Variants in CARD14 observed in about 807,000 individuals in gnomAD.
The protein encoded by CARD14 is caspase recruitment domain-containing protein 14.
In CARD14, 107 loss-of-function variants were observed where a neutral mutation model predicts 111.5. That is an observed-to-expected ratio of 0.96 (90% CI 0.82 to 1.13). CARD14 has a LOEUF of 1.13. Ranked by LOEUF, CARD14 falls within the 50% of genes most tolerant of loss-of-function variation. The pLI, the probability that CARD14 is intolerant of heterozygous loss-of-function variation, is 0.00. For synonymous variants in CARD14, 617 were observed against 579.6 expected (o/e 1.06, Z -0.93); for missense variants, 1,322 against 1,362.3 (o/e 0.97, Z 0.47).
chr17:80,190,850 T>C lies in CARD14; in HGVS notation c.1040T>C (p.Val347Ala). 1 of 1,613,930 alleles carries C rather than the reference T, an allele frequency of 6.2e-7. No homozygotes were observed. The highest frequency in any genetic ancestry group is 8.5e-7 in the Non-Finnish European group (1 of 1,179,990). ...GCCTGCCAACTCTACAGGGAGAAGG[T>C]GAATGCGCTGCAGGCCCAGGTGTGC... ...KMACQLYREK[V>A]NALQAQVCEL... The change falls in exon 10 of 24, where the codon GTG becomes GCG. Residue 347 changes from valine to alanine, a missense_variant. By Grantham distance (64) the Val-to-Ala change is moderately conservative (BLOSUM62 0). Coordinates refer to ENST00000648509, the MANE Select transcript of CARD14 (RefSeq NM_001366385.1).
chr17:80,172,267 C>T (rs2039918685), intron 1 of CARD14, among the ~76,000 whole-genome samples: 1 of 152,232 alleles, frequency 6.6e-6, no homozygotes, highest in South Asian at 2.1e-4. Context: ...TGCCTTGGAA[C>T]CTCTAGGCTC....
At chr17:80,191,602 C>T (rs760670766) in intron 11 of CARD14, 130 bp downstream of exon 11, 48 of 1,141,154 alleles carry the variant, frequency 4.2e-5, no homozygotes, top group South Asian at 2.5e-4. Context: ...GGGCCACACG[C>T]GGCACCTGCA....
chr17:80,205,226 C>T (rs764893410), intron 21 of CARD14, 21 bp downstream of exon 21: 82 of 1,582,622 alleles, frequency 5.2e-5, no homozygotes, highest in Non-Finnish European at 6.7e-5. Flanking sequence ...GCCTGGGAAT[C>T]CCTCTACCCC....
chr17:80,202,145 G>A (rs749404518), intron 17 of CARD14, 35 bp from the exon 18 acceptor site: 2 of 1,565,256 alleles, frequency 1.3e-6, no homozygotes, highest in African/African-American at 1.4e-5. Context: ...GCTCGTATCT[G>A]TGGCTCATCT....
intron 14 of CARD14, chr17:80,196,033 T>G (rs929648041): frequency 2.2e-5 from 4 of 185,374 alleles, no homozygotes; most frequent in African/African-American, 9.4e-5. Context: ...AGGCACAGCG[T>G]GACATCTACC....
intron 23 of CARD14, among the ~76,000 whole-genome samples, 198 bp downstream of exon 23, chr17:80,207,283 G>A (rs1364369334): frequency 6.6e-6 from 1 of 152,250 alleles, no homozygotes; most frequent in African/African-American, 2.4e-5. Flanking sequence ...GGGCGTGGTG[G>A]CTCACGCCTG....
At position 80,198,020 on chromosome 17, in the gene CARD14, G is replaced by A; in HGVS notation, c.1595-79G>A. ...GGTGACCAAGATCTGTGAAGAAGGG[G>A]CTGAGGTTACAGGAGGTTACAGGAC... On this transcript the variant is annotated intron_variant, in intron 14 of 23. Transcript: ENST00000648509. This position sits in a 1 kb window ranked among gnomAD's most constrained non-coding sequence, Gnocchi z 7.5. 7.1e-7 allele frequency: 1 copy of A among 1,415,606 alleles called. No individual in the cohort carries two copies. Among genetic ancestry groups the A allele is most frequent in the Middle Eastern group, 2.2e-4 (1 of 4,544 alleles). The allele number at this position is 1,415,606 out of a possible 1,614,324, so 87.7% of individuals were successfully genotyped here. A position where few individuals can be genotyped will look rare whatever the true frequency, so the allele number is the denominator to read the frequency against.
Position 80,198,409 on chromosome 17 carries a change from A to G in CARD14, c.1669A>G (p.Met557Val), listed in dbSNP as rs753689043. The change falls in exon 16 of 24, where the codon ATG (methionine) becomes GTG (valine). Residue 557 changes from methionine to valine, a missense_variant. Coordinates refer to ENST00000648509, the MANE Select transcript of CARD14 (RefSeq NM_001366385.1). The surrounding 1 kb of genome is among the most constrained non-coding windows in gnomAD (Gnocchi z 7.5). ...TCTCCCGGCCTGCAGCGGCGTCCTC[A>G]TGCGGCGGAGGCCAGCCCGCAGGAT... is the stretch of plus-strand genomic sequence containing the variant. ...RLDVSESGVLMRRRPARRILS... is the reference protein window; with the variant it reads ...RLDVSESGVLVRRRPARRILS... The G allele has an allele frequency of 2.5e-6, 4 of 1,602,432 alleles. No individual in the cohort carries two copies. Among genetic ancestry groups the G allele is most frequent in the Non-Finnish European group, 3.4e-6 (4 of 1,172,310 alleles).
At chr17:80,196,509 A>G (rs1180229508) in intron 14 of CARD14, 1 of 152,336 alleles carries the variant, frequency 6.6e-6, no homozygotes, top group Non-Finnish European at 1.5e-5. Context: ...ATTGACCTCA[A>G]ATACATCCAG....
intron 11 of CARD14, 84 bp downstream of exon 11, chr17:80,191,556 A>G (rs995930914): frequency 6.5e-6 from 10 of 1,534,588 alleles, no homozygotes; most frequent in Non-Finnish European, 8.0e-6. Flanking sequence ...AGGGTGGCCC[A>G]TGGAGGCACT....
At chr17:80,176,480 C>G (rs1291011908) in intron 2 of CARD14, among the ~76,000 whole-genome samples, 1 of 149,544 alleles carries the variant, frequency 6.7e-6, no homozygotes, top group Non-Finnish European at 1.5e-5. Context: ...ATAACCCATA[C>G]GGCACACAAT....
At position 80,188,311 on chromosome 17, in the gene CARD14, C is replaced by G; in HGVS notation, c.676-66C>G. On this transcript the variant is annotated intron_variant, in intron 7 of 23. Coordinates refer to ENST00000648509, the MANE Select transcript of CARD14 (RefSeq NM_001366385.1). The surrounding 1 kb of genome is among the most constrained non-coding windows in gnomAD (Gnocchi z 4.5). Reference sequence around the variant, plus strand: ...TCATTAGGAGGAAGGGTGAGAAATGCCCCCAGCTCCTGATCAGGGGAGAAG... The same window carrying G: ...TCATTAGGAGGAAGGGTGAGAAATGGCCCCAGCTCCTGATCAGGGGAGAAG... 1 of 1,475,048 alleles carries G rather than the reference C, an allele frequency of 6.8e-7. No individual in the cohort carries two copies. 91.4% of individuals were successfully genotyped at this position (1,475,048 alleles called of 1,614,324 possible).
In CARD14 at chr17:80,204,238, G is replaced by T. The variant is rs1350201307; in HGVS notation, c.2295G>T (p.Gly765=). 6.3e-7 allele frequency: 1 copy of T among 1,589,620 alleles called. No homozygotes were observed. Among genetic ancestry groups the T allele is most frequent in the Non-Finnish European group, 8.6e-7 (1 of 1,161,408 alleles). ...TGTCCCTCCTTTAGCCATCTTCTGGGGGACCACAGAAGCTGGTCCGCATCG... is the reference window on the plus strand; with the variant it reads ...TGTCCCTCCTTTAGCCATCTTCTGGTGGACCACAGAAGCTGGTCCGCATCG... The part of the protein sequence containing the change: ...QCTVTRKPSS[G]GPQKLVRIVS... The change falls in exon 20 of 24, where the codon GGG becomes GGT. Residue 765 remains glycine, a synonymous_variant. Coordinates refer to ENST00000648509, the MANE Select transcript of CARD14 (RefSeq NM_001366385.1).
chr17:80,203,729 G>A lies in CARD14; in HGVS notation c.2220-93G>A, dbSNP rs958635841. 8.8e-6 allele frequency: 8 copies of A among 906,612 alleles called. No homozygotes were observed. Among genetic ancestry groups the A allele is most frequent in the South Asian group, 4.6e-5 (3 of 65,634 alleles). The allele number at this position is 906,612 out of a possible 1,614,324, so 56.2% of individuals were successfully genotyped here. A position where few individuals can be genotyped will look rare whatever the true frequency, so the allele number is the denominator to read the frequency against. ...AGGTGGAGGCCCTTCTCTCCCACCC[G>A]GCCATCTCCCCCACTCTCCCCTGCT... On this transcript the variant is annotated intron_variant, in intron 18 of 23. Transcript: ENST00000648509. This position sits in a 1 kb window ranked among gnomAD's most constrained non-coding sequence, Gnocchi z 4.6.
At chr17:80,194,152 C>G (rs1473801580) in intron 12 of CARD14, among the ~76,000 whole-genome samples, 2 of 152,094 alleles carry the variant, frequency 1.3e-5, no homozygotes, top group Non-Finnish European at 2.9e-5. Context: ...CTGCCCCCAA[C>G]ACACACACAC....
At chr17:80,176,019 G>A (rs2040018800) in intron 2 of CARD14, among the ~76,000 whole-genome samples, 1 of 122,982 alleles carries the variant, frequency 8.1e-6, no homozygotes, top group Non-Finnish European at 1.6e-5. Context: ...TATGTTGCTA[G>A]GCTAGTCTTG....
chr17:80,179,669 C>A (rs1038713830), intron 4 of CARD14, among the ~76,000 whole-genome samples: 3 of 152,102 alleles, frequency 2.0e-5, no homozygotes, highest in Admixed American at 6.6e-5. Context: ...TCCATCTCTA[C>A]AAAAATTAAA....
intron 9 of CARD14, 142 bp from the exon 10 acceptor site, chr17:80,190,628 AAGAG>A (rs375041213): frequency 9.1e-5 from 44 of 482,754 alleles, no homozygotes; most frequent in Admixed American, 8.0e-4. Flanking sequence ...AAAAAAAAAA[AAGAG>A]AGAGAGAGAC....
In CARD14 at chr17:80,203,762, C is replaced by A; in HGVS notation, c.2220-60C>A. ...CCCCCACTCTCCCCTGCTCGGCTCT[C>A]CCCTGCCCTGCTCACCTGGCAGGAG... On this transcript the variant is annotated intron_variant, in intron 18 of 23. Coordinates refer to ENST00000648509, the MANE Select transcript of CARD14 (RefSeq NM_001366385.1). The surrounding 1 kb of genome is among the most constrained non-coding windows in gnomAD (Gnocchi z 4.6). 1 of 1,402,430 alleles carries A rather than the reference C, an allele frequency of 7.1e-7. No individual in the cohort carries two copies. Among genetic ancestry groups the A allele is most frequent in the Non-Finnish European group, 9.9e-7 (1 of 1,014,456 alleles). The allele number at this position is 1,402,430 out of a possible 1,614,324, so 86.9% of individuals were successfully genotyped here. A position where few individuals can be genotyped will look rare whatever the true frequency, so the allele number is the denominator to read the frequency against.
Sources: allele counts gnomAD v4.1 joint callset (sites outside exome capture counted in the v4.1 genomes callset), GRCh38; gene constraint gnomAD v4.1.1; non-coding constraint Gnocchi (gnomAD v3.1); transcripts MANE v1.5; gene names NCBI Gene and HGNC (gene_info 2026-07-23, HGNC 2026-07-21).